The following CCDC85A variants were observed in gnomAD, a reference collection of about 807,000 sequenced individuals.
The protein encoded by CCDC85A is coiled-coil domain-containing protein 85A.
Under a neutral mutation model 50.2 loss-of-function variants are expected in CCDC85A, and 38 were observed. The observed-to-expected ratio is 0.76, with a 90% confidence interval of 0.58 to 0.99. The LOEUF is 0.99. Among genes scored for constraint, CCDC85A ranks in the 50% least tolerant of loss-of-function variants. The pLI is 0.00. For synonymous variants in CCDC85A, 366 were observed against 301.4 expected, an observed-to-expected ratio of 1.21 and a Z score of -2.22; for missense variants, 820 against 742.0, an observed-to-expected ratio of 1.11 and a Z score of -1.22.
chr2:56,254,238 G>A (rs180916410), intron 2 of CCDC85A, among the ~76,000 whole-genome samples: 7 of 152,132 alleles, frequency 4.6e-5, no homozygotes, highest in Non-Finnish European at 2.9e-5. Flanking sequence ...CCTACCTCCT[G>A]TTCATAGTTC....
At chr2:56,276,549 C>A (rs115008288) in intron 2 of CCDC85A, among the ~76,000 whole-genome samples, 17 of 152,112 alleles carry the variant, frequency 1.1e-4, no homozygotes, top group Non-Finnish European at 1.9e-4. Flanking sequence ...GAGGGGAAAC[C>A]CATTTAGCTT....
At chr2:56,345,548 C>A (rs1674593860) in intron 3 of CCDC85A, among the ~76,000 whole-genome samples, 1 of 152,280 alleles carries the variant, frequency 6.6e-6, no homozygotes, top group Non-Finnish European at 1.5e-5. Context: ...GAGAGTGGTG[C>A]CTTCATTTAC....
intron 2 of CCDC85A, among the ~76,000 whole-genome samples, chr2:56,331,541 A>C (rs988586343): frequency 4.6e-5 from 7 of 152,190 alleles, no homozygotes; most frequent in South Asian, 2.1e-4. Flanking sequence ...ATACAAAAAA[A>C]CCCAAAAAAC....
chr2:56,272,183 T>C (rs1670728818), intron 2 of CCDC85A, among the ~76,000 whole-genome samples: 1 of 152,038 alleles, frequency 6.6e-6, no homozygotes, highest in Non-Finnish European at 1.5e-5. Flanking sequence ...ATCCCTAAGG[T>C]TAAAGAATAT....
chr2:56,185,153 A>G (rs533662714), intron 1 of CCDC85A, among the ~76,000 whole-genome samples: 6 of 152,306 alleles, frequency 3.9e-5, no homozygotes, highest in African/African-American at 1.4e-4. Flanking sequence ...GACGCTGGAA[A>G]GCAGGGAGGG....
At chr2:56,215,506 A>G (rs1286055020) in intron 2 of CCDC85A, among the ~76,000 whole-genome samples, 1 of 151,416 alleles carries the variant, frequency 6.6e-6, no homozygotes, top group Non-Finnish European at 1.5e-5. Flanking sequence ...TCACTGTTAA[A>G]TGTGATGTTA....
Position 56,268,783 on chromosome 2 carries a change from C to T in CCDC85A, c.1241-74096C>T, listed in dbSNP as rs193067714. Among the ~76,000 whole-genome samples, 9 of 152,040 alleles carry T rather than the reference C, an allele frequency of 5.9e-5. No homozygotes were observed. In the East Asian group the frequency reaches 1.4e-3, roughly 23 times the overall value. On this transcript the variant is annotated intron_variant, in intron 2 of 5. Coordinates refer to ENST00000407595, the MANE Select transcript of CCDC85A (RefSeq NM_001080433.2). ...CTTTATTAAAAAAACATTTTTGGCT[C>T]CATACTCTGATCATTTCATACAATA...
At chr2:56,366,160 A>G (rs1675782490) in intron 3 of CCDC85A, among the ~76,000 whole-genome samples, 1 of 152,144 alleles carries the variant, frequency 6.6e-6, no homozygotes, top group Admixed American at 6.5e-5. Context: ...TCATCCATTC[A>G]TGGACACTTA....
chr2:56,244,011 T>G (rs550044383), intron 2 of CCDC85A, among the ~76,000 whole-genome samples: 54 of 152,300 alleles, frequency 3.5e-4, no homozygotes, highest in African/African-American at 1.3e-3. Flanking sequence ...CTCTCTTTCT[T>G]TCTTTACTAA....
intron 2 of CCDC85A, among the ~76,000 whole-genome samples, chr2:56,196,784 TATTA>T (rs1676538572): frequency 6.6e-6 from 1 of 151,504 alleles, no homozygotes; most frequent in South Asian, 2.1e-4. Context: ...AATAGTTTGA[TATTA>T]ATTCTAGAAG....
rs143407665 is a variant in CCDC85A, at chr2:56,247,355, T to G, written c.1240+53915T>G. ...TCTAGATTGCAGACATGGGTCTTTTTTTTTATTCCTGGGGGAAAGAAGAAA... is the reference window on the plus strand; with the variant it reads ...TCTAGATTGCAGACATGGGTCTTTTGTTTTATTCCTGGGGGAAAGAAGAAA... On this transcript the variant is annotated intron_variant, in intron 2 of 5. Transcript: ENST00000407595. Among the ~76,000 whole-genome samples the G allele has an allele frequency of 3.3e-5, 5 of 152,374 alleles. No homozygotes were observed. In the East Asian group the frequency reaches 5.8e-4, roughly 18 times the overall value.
Position 56,343,037 on chromosome 2 carries a change from G to A in CCDC85A, c.1317+82G>A, listed in dbSNP as rs192164481. ...ATTTGGAATTTAAAAGCTCAATGAC[G>A]TTTTGTCTTTTAAATGATAGAAATC... On this transcript the variant is annotated intron_variant, in intron 3 of 5. Coordinates refer to ENST00000407595, the MANE Select transcript of CCDC85A (RefSeq NM_001080433.2). 1,320 of 960,842 alleles carry A rather than the reference G, an allele frequency of 1.4e-3. 2 individuals are homozygous for A. The highest frequency in any genetic ancestry group is 1.9e-3 in the Non-Finnish European group (1,201 of 627,530). The allele number at this position is 960,842 out of a possible 1,614,324, so 59.5% of individuals were successfully genotyped here. A position where few individuals can be genotyped will look rare whatever the true frequency, so the allele number is the denominator to read the frequency against.
chr2:56,343,891 C>G lies in CCDC85A; in HGVS notation c.1317+936C>G, dbSNP rs1338112509. ...AGGAGAAGAAATTTGAACATTAATGCAAAGACCCTTTAGAAAGACATTTTA... is the reference window on the plus strand; with the variant it reads ...AGGAGAAGAAATTTGAACATTAATGGAAAGACCCTTTAGAAAGACATTTTA... On this transcript the variant is annotated intron_variant, in intron 3 of 5. Transcript: ENST00000407595. 3.9e-5 allele frequency among the ~76,000 whole-genome samples: 6 copies of G among 152,156 alleles called. No individual in the cohort carries two copies. The East Asian group carries it at 1.2e-3, about 29-fold the overall frequency.
chr2:56,290,244 A>G (rs1376787643), intron 2 of CCDC85A, among the ~76,000 whole-genome samples: 2 of 152,224 alleles, frequency 1.3e-5, no homozygotes, highest in African/African-American at 2.4e-5. Context: ...ATTATTAACT[A>G]TATAATCCAT....
intron 2 of CCDC85A, among the ~76,000 whole-genome samples, chr2:56,226,643 A>C (rs969594142): frequency 3.3e-5 from 5 of 151,922 alleles, no homozygotes; most frequent in Non-Finnish European, 7.4e-5. Context: ...TGGTATTATG[A>C]ATTTCATCTC....
intron 2 of CCDC85A, among the ~76,000 whole-genome samples, chr2:56,299,761 A>G (rs1426271765): frequency 2.6e-5 from 4 of 152,174 alleles, no homozygotes; most frequent in African/African-American, 9.6e-5. Context: ...AGACGATTAA[A>G]TAAAATCCTA....
intron 2 of CCDC85A, among the ~76,000 whole-genome samples, chr2:56,258,904 C>T (rs1670100022): frequency 6.6e-6 from 1 of 152,122 alleles, no homozygotes; most frequent in African/African-American, 2.4e-5. Context: ...AAGTCCTCTG[C>T]TGAGAGTGAG....
chr2:56,197,438 T>A (rs1676571718), intron 2 of CCDC85A, among the ~76,000 whole-genome samples: 1 of 152,142 alleles, frequency 6.6e-6, no homozygotes. Flanking sequence ...TGGTTTTCAA[T>A]CTAGCTGCAG....
At chr2:56,217,491 A>AT (rs960067210) in intron 2 of CCDC85A, among the ~76,000 whole-genome samples, 1 of 151,886 alleles carries the variant, frequency 6.6e-6, no homozygotes, top group Non-Finnish European at 1.5e-5. Context: ...TTGTATAGCC[A>AT]TTTTTAACTG....
Sources: allele counts gnomAD v4.1 joint callset (sites outside exome capture counted in the v4.1 genomes callset), GRCh38; gene constraint gnomAD v4.1.1; transcripts MANE v1.5; gene names NCBI Gene and HGNC (gene_info 2026-07-23, HGNC 2026-07-21).